Variants in MUC4 observed in about 807,000 individuals in gnomAD.
MUC4 encodes mucin-4.
A neutral mutation model predicts 257.9 loss-of-function variants in MUC4; 202 were observed. That is an observed-to-expected ratio of 0.78 (90% CI 0.70 to 0.88). The LOEUF is 0.88. Among genes scored for constraint, MUC4 ranks in the 40% least tolerant of loss-of-function variants. The pLI, the probability that MUC4 is intolerant of heterozygous loss-of-function variation, is 0.00. For missense variants in MUC4, 5,976 were observed against 6,513.7 expected (o/e 0.92, Z 2.84); for synonymous variants, 2,351 against 2,757.1 (o/e 0.85, Z 4.62).
At position 195,751,246 on chromosome 3, in the gene MUC4, T is replaced by C. The variant is rs150846652; in HGVS notation, c.15608A>G (p.Asp5203Gly). ...ASVAYRLGTL[D>G]MRAFLRNSQV... is the part of the protein sequence containing the mutation. ...GCTGTTGCGGAGAAAGGCCCGCATG[T>C]CCAGGGTCCCCAGTCTGTATGCCAC... The change falls in exon 22 of 25, where the codon GAC (aspartate) becomes GGC (glycine). Residue 5203 changes from aspartate to glycine, a missense_variant. By Grantham distance (94) the Asp-to-Gly change is moderately conservative. This residue lies in a region of MUC4 where 996 missense variants were observed against 1,137.3 expected (regional missense o/e 0.88). Coordinates refer to ENST00000463781, the MANE Select transcript of MUC4 (RefSeq NM_018406.7). 6.2e-7 allele frequency: 1 copy of C among 1,607,498 alleles called. No individual in the cohort carries two copies. Among genetic ancestry groups the C allele is most frequent in the Non-Finnish European group, 8.5e-7 (1 of 1,177,448 alleles).
intron 1 of MUC4, among the ~76,000 whole-genome samples, chr3:195,800,158 A>T (rs147562274): frequency 0.017 from 2,626 of 152,180 alleles, 95 homozygotes; most frequent in African/African-American, 0.06. Flanking sequence ...TGCACCTGTA[A>T]TCCCAGCTAC....
In MUC4 at chr3:195,755,880, T is replaced by C. The variant is rs1435394043; in HGVS notation, c.15168+1267A>G. Among the ~76,000 whole-genome samples the C allele has an allele frequency of 4.6e-5, 7 of 152,108 alleles. No individual in the cohort carries two copies. Among genetic ancestry groups the C allele is most frequent in the Non-Finnish European group, 7.4e-5 (5 of 68,006 alleles). On this transcript the variant is annotated intron_variant, in intron 18 of 24. Transcript: ENST00000463781. The surrounding 1 kb of genome is among the most constrained non-coding windows in gnomAD (Gnocchi z 5.0). ...GTGTGTGTCTGTGTGTGCGTGTGCA[T>C]GCGTGTGTGTGTAAGTGGTGAAGGA...
chr3:195,750,559 G>A (rs184705687), intron 23 of MUC4: 26 of 406,342 alleles, frequency 6.4e-5, no homozygotes, highest in African/African-American at 1.7e-4. Context: ...GACGATGGGG[G>A]TGTCCCTGTG....
chr3:195,773,227 TCAC>T, intron 4 of MUC4, among the ~76,000 whole-genome samples: 1 of 116,680 alleles, frequency 8.6e-6, no homozygotes, highest in Non-Finnish European at 1.8e-5. Flanking sequence ...CCTCTCTCTA[TCAC>T]TCAGCAGGTG....
Position 195,763,416 on chromosome 3 carries a change from C to G in MUC4, c.14253+17G>C. The G allele has an allele frequency of 7.1e-7, 1 of 1,400,212 alleles. No individual in the cohort carries two copies. The allele number at this position is 1,400,212 out of a possible 1,614,324, so 86.7% of individuals were successfully genotyped here. ...TGTGGGTGGAATGCAGGGAGGTTCC[C>G]GGCACCCCTCACTCACCGTGACGGG... On this transcript the variant is annotated intron_variant, in intron 12 of 24. Transcript: ENST00000463781.
rs1410086273 is a variant in MUC4, at chr3:195,811,000, C to T, written c.82+736G>A. On this transcript the variant is annotated intron_variant, in intron 1 of 24. Transcript: ENST00000463781. This position sits in a 1 kb window ranked among gnomAD's most constrained non-coding sequence, Gnocchi z 4.2. ...CACCATGGATCCTTCCAGACATCGC[C>T]GGGCTGCTCTCTGGCCCTCTGTTCT... Among the ~76,000 whole-genome samples, 2 of 151,962 alleles carry T rather than the reference C, an allele frequency of 1.3e-5. No homozygotes were observed. The highest frequency in any genetic ancestry group is 1.3e-4 in the Admixed American group (2 of 15,252).
intron 1 of MUC4, among the ~76,000 whole-genome samples, chr3:195,792,529 G>C (rs1288261863): frequency 1.3e-5 from 2 of 152,196 alleles, no homozygotes; most frequent in East Asian, 1.9e-4. Flanking sequence ...TTACACTGTT[G>C]GTGGGAGTGT....
intron 2 of MUC4, 107 bp downstream of exon 2, chr3:195,778,683 G>A (rs1467025930): frequency 3.7e-6 from 5 of 1,363,500 alleles, no homozygotes; most frequent in South Asian, 2.9e-5. Context: ...GACCTGACAC[G>A]GCCCCACCAG....
intron 5 of MUC4, chr3:195,770,604 G>A (rs1701121538): frequency 1.7e-6 from 1 of 578,762 alleles, no homozygotes; most frequent in African/African-American, 1.9e-5. Context: ...AGACGTCCAA[G>A]ACCTCTGGAC....
At chr3:195,808,110 C>T (rs960588293) in intron 1 of MUC4, among the ~76,000 whole-genome samples, 1 of 152,206 alleles carries the variant, frequency 6.6e-6, no homozygotes, top group Non-Finnish European at 1.5e-5. Context: ...TTTAGAGGCA[C>T]GAGGATCCTT....
rs767278865 is a variant in MUC4, at chr3:195,762,218, C to T, written c.14381G>A (p.Ser4794Asn). The stretch of plus-strand genomic sequence containing the variant: ...GGCCGAGACCTCAGAGCCGTTGCGG[C>T]TCAGGAGGACTCCGGTGGCGTTGAA... ...ETFNATGVLL[S>N]RNGSEVSASF... The change falls in exon 14 of 25, where the codon AGC becomes AAC. Residue 4794 changes from serine (S) to asparagine (N), a missense_variant. Coordinates refer to ENST00000463781, the MANE Select transcript of MUC4 (RefSeq NM_018406.7). 1.3e-6 allele frequency: 2 copies of T among 1,593,656 alleles called. No homozygotes were observed. Among genetic ancestry groups the T allele is most frequent in the Non-Finnish European group, 1.7e-6 (2 of 1,170,350 alleles).
In MUC4 at chr3:195,781,182, G is replaced by T. The variant is rs79877739; in HGVS notation, c.10398C>A (p.Ser3466=). The T allele has an allele frequency of 7.0e-7, 1 of 1,428,932 alleles. No homozygotes were observed. Among genetic ancestry groups the T allele is most frequent in the Admixed American group, 2.3e-5 (1 of 42,900 alleles). The allele number at this position is 1,428,932 out of a possible 1,614,324, so 88.5% of individuals were successfully genotyped here. ...PLPVTDTSSA[S]TGDTTPLPVT... ...CAGGAAGAGGGGTGGTGTCACCTGT[G>T]GATGCTGAGGAAGTGTCGGTGACAG... The change falls in exon 2 of 25, where the codon TCC becomes TCA. Residue 3466 remains serine (S), a synonymous_variant. Coordinates refer to ENST00000463781, the MANE Select transcript of MUC4 (RefSeq NM_018406.7).
chr3:195,773,973 T>G (rs1723768333), intron 4 of MUC4, among the ~76,000 whole-genome samples, 199 bp downstream of exon 4: 1 of 152,222 alleles, frequency 6.6e-6, no homozygotes, highest in Non-Finnish European at 1.5e-5. Flanking sequence ...GAAGCAGCGG[T>G]GGGCCCAGCA....
At chr3:195,767,417 CCAA>C (rs1317991898) in intron 7 of MUC4, among the ~76,000 whole-genome samples, 232 of 150,224 alleles carry the variant, frequency 1.5e-3, no homozygotes, top group Admixed American at 3.7e-3. Context: ...ATCGTCACCA[CCAA>C]CACTACCATC....
At chr3:195,778,062 G>A (rs1028766855) in intron 3 of MUC4, among the ~76,000 whole-genome samples, 1 of 152,178 alleles carries the variant, frequency 6.6e-6, no homozygotes, top group African/African-American at 2.4e-5. Flanking sequence ...TCCTCTAACC[G>A]CCGCTACCGG....
At chr3:195,767,686 G>T (rs1336242433) in intron 7 of MUC4, among the ~76,000 whole-genome samples, 49 of 984 alleles carry the variant, frequency 0.05, 4 homozygotes, top group Non-Finnish European at 0.085. Flanking sequence ...CACCATCACT[G>T]GCCACCCCCC....
At chr3:195,754,816 ATGTGTGTATCC>A (rs1560226415) in intron 18 of MUC4, among the ~76,000 whole-genome samples, 1 of 17,500 alleles carries the variant, frequency 5.7e-5, no homozygotes, top group Non-Finnish European at 3.5e-4. Context: ...GTATGTATCC[ATGTGTGTATCC>A]ATGTGTGTAT....
chr3:195,754,882 C>A (rs115730467), intron 18 of MUC4, among the ~76,000 whole-genome samples: 5 of 18,820 alleles, frequency 2.7e-4, no homozygotes, highest in Non-Finnish European at 5.2e-4. Context: ...TGTATGTATC[C>A]ATGTATGTAT....
chr3:195,792,950 G>A (rs894598954), intron 1 of MUC4, among the ~76,000 whole-genome samples: 1 of 152,156 alleles, frequency 6.6e-6, no homozygotes, highest in South Asian at 2.1e-4. Context: ...CATGGACACA[G>A]AGAGGGGAAC....
Sources: allele counts gnomAD v4.1 joint callset (sites outside exome capture counted in the v4.1 genomes callset), GRCh38; gene constraint gnomAD v4.1.1; regional missense constraint gnomAD v4.1.1; non-coding constraint Gnocchi (gnomAD v3.1); transcripts MANE v1.5; gene names NCBI Gene and HGNC (gene_info 2026-07-23, HGNC 2026-07-21).